The following SYNJ1 variants were observed in gnomAD, a reference collection of about 807,000 sequenced individuals.
SYNJ1 encodes the protein synaptojanin 1.
Under a neutral mutation model 168.2 loss-of-function variants are expected in SYNJ1, and 78 were observed. That is an observed-to-expected ratio of 0.46 (90% CI 0.39 to 0.56). SYNJ1 has a LOEUF of 0.56. SYNJ1 is among the 20% of genes least tolerant of loss of function. SYNJ1 has a pLI of 0.00. For missense variants in SYNJ1, 1,303 were observed against 1,597.6 expected, an observed-to-expected ratio of 0.82 and a Z score of 3.14; for synonymous variants, 539 against 548.6, an observed-to-expected ratio of 0.98 and a Z score of 0.24.
chr21:32,670,138 C>A lies in SYNJ1; in HGVS notation c.1811+150G>T. 8.6e-6 allele frequency: 5 copies of A among 579,424 alleles called. No individual in the cohort carries two copies. The South Asian group carries it at 1.5e-4, about 17-fold the overall frequency. 35.9% of individuals were successfully genotyped at this position (579,424 alleles called of 1,614,324 possible). ...TAAGTGTGCAGAGAGATCCTCAGAC[C>A]CAAAAGTATGAGAAATGCTCTTTTA... On this transcript the variant is annotated intron_variant, in intron 15 of 32. Coordinates refer to ENST00000674351, the MANE Select transcript of SYNJ1 (RefSeq NM_203446.3).
chr21:32,660,043 A>C (rs558077259), intron 18 of SYNJ1, among the ~76,000 whole-genome samples: 1 of 152,314 alleles, frequency 6.6e-6, no homozygotes, highest in East Asian at 1.9e-4. Flanking sequence ...GGAAAAACTT[A>C]TGTTGGCCCC....
chr21:32,679,467 A>G (rs1368762171), intron 11 of SYNJ1, among the ~76,000 whole-genome samples: 1 of 152,170 alleles, frequency 6.6e-6, no homozygotes, highest in Admixed American at 6.5e-5. Context: ...AGATTTGATT[A>G]TAACTTTTAA....
In SYNJ1 at chr21:32,699,896, A is replaced by G. The variant is rs140461566; in HGVS notation, c.421T>C (p.Leu141=). Residue 141 remains leucine, a synonymous_variant, in exon 4 of 33, where the codon TTG becomes CTG. Coordinates refer to ENST00000674351, the MANE Select transcript of SYNJ1 (RefSeq NM_203446.3). ...AWSASGISLD[L]SLNAHRSMQE... is the part of the protein sequence containing the mutation. ...ATGCTACGATGCGCATTAAGACTCA[A>G]ATCTAAACTGATGCCAGATGCAGAC... 518 of 1,614,066 alleles carry G rather than the reference A, an allele frequency of 3.2e-4. No homozygotes were observed. The highest frequency in any genetic ancestry group is 4.2e-4 in the Non-Finnish European group (497 of 1,180,038).
rs1382349474 is a variant in SYNJ1 at position 32,695,072 on chromosome 21, A to C, written c.690T>G (p.Phe230Leu). The change falls in exon 5 of 33, where the codon TTT becomes TTG. Residue 230 changes from phenylalanine to leucine, a missense_variant. Physicochemically the swap from Phe to Leu is conservative, Grantham distance 22. This residue lies in a region of SYNJ1 where 920 missense variants were observed against 1,208.8 expected (regional missense o/e 0.76). Coordinates refer to ENST00000674351, the MANE Select transcript of SYNJ1 (RefSeq NM_203446.3). ...GTNDDGHVAN[F>L]VETEQVVYLD... ...CTATATATACCTGTTCTGTTTCTACAAAATTGGCAACATGACCATCATCAT... is the reference window on the plus strand; with the variant it reads ...CTATATATACCTGTTCTGTTTCTACCAAATTGGCAACATGACCATCATCAT... The C allele has an allele frequency of 1.2e-6, 2 of 1,614,158 alleles. No individual in the cohort carries two copies. Among genetic ancestry groups the C allele is most frequent in the African/African-American group, 2.7e-5 (2 of 75,066 alleles).
rs760867966 is a variant in SYNJ1 at position 32,728,008 on chromosome 21, A to C, written c.-85T>G. 4.6e-6 allele frequency: 7 copies of C among 1,535,860 alleles called. No individual in the cohort carries two copies. In the South Asian group the frequency reaches 8.3e-5, roughly 18 times the overall value. Reference sequence around the variant, plus strand: ...CGCCGCCACAGCCGCCGGGAGCGTCACTTCCGCTCCAGCAGGCCCATCTCT... The same window carrying C: ...CGCCGCCACAGCCGCCGGGAGCGTCCCTTCCGCTCCAGCAGGCCCATCTCT... On this transcript the variant is annotated 5_prime_UTR_variant, in exon 1 of 33. Coordinates refer to ENST00000674351, the MANE Select transcript of SYNJ1 (RefSeq NM_203446.3).
chr21:32,692,724 T>C (rs578131641), intron 6 of SYNJ1, among the ~76,000 whole-genome samples: 101 of 152,270 alleles, frequency 6.6e-4, no homozygotes, highest in African/African-American at 2.4e-3. Context: ...CGCAACCTTA[T>C]TGGATCATCA....
chr21:32,713,715 T>C (rs1222083129), intron 2 of SYNJ1, among the ~76,000 whole-genome samples: 1 of 151,808 alleles, frequency 6.6e-6, no homozygotes. Context: ...TATATCAACA[T>C]GGATGATTTC....
intron 6 of SYNJ1, among the ~76,000 whole-genome samples, chr21:32,692,402 C>T (rs933334160): frequency 1.3e-5 from 2 of 151,950 alleles, no homozygotes; most frequent in Non-Finnish European, 2.9e-5. Context: ...TATGGTGAAA[C>T]CCCATTTCTA....
At chr21:32,673,657 G>C (rs2041289920) in intron 13 of SYNJ1, 126 bp from the exon 14 acceptor site, 2 of 753,056 alleles carry the variant, frequency 2.7e-6, no homozygotes, top group Admixed American at 4.1e-5. Context: ...ACAAGCAAAA[G>C]ATACAGGCAC....
At chr21:32,648,087 T>C (rs1204101053) in intron 23 of SYNJ1, among the ~76,000 whole-genome samples, 1 of 152,168 alleles carries the variant, frequency 6.6e-6, no homozygotes, top group Admixed American at 6.5e-5. Context: ...TATCTGAGGA[T>C]GGAACAAATG....
At chr21:32,690,926 A>C (rs553301874) in intron 6 of SYNJ1, among the ~76,000 whole-genome samples, 1 of 151,610 alleles carries the variant, frequency 6.6e-6, no homozygotes, top group Non-Finnish European at 1.5e-5. Flanking sequence ...AACTTGGGGG[A>C]AAAAAAAAGC....
At chr21:32,663,826 G>A (rs1238719920) in intron 18 of SYNJ1, among the ~76,000 whole-genome samples, 1 of 152,242 alleles carries the variant, frequency 6.6e-6, no homozygotes, top group Non-Finnish European at 1.5e-5. Context: ...GCCCTGGCAA[G>A]AGTCTCAGAT....
At chr21:32,712,211 G>A (rs766098110) in intron 2 of SYNJ1, among the ~76,000 whole-genome samples, 22 of 152,200 alleles carry the variant, frequency 1.4e-4, no homozygotes, top group Non-Finnish European at 2.4e-4. Context: ...CAATTTGCCT[G>A]TGGTTGCATG....
Position 32,653,293 on chromosome 21 carries a change from T to C in SYNJ1, c.2869A>G (p.Lys957Glu). 1 of 1,612,934 alleles carries C rather than the reference T, an allele frequency of 6.2e-7. No homozygotes were observed. Reference sequence around the variant, plus strand: ...ATCAACAAATGCTACCTTACCTCTTTACCATTTAGGCTCAGAACATTCAAG... The same window carrying C: ...ATCAACAAATGCTACCTTACCTCTTCACCATTTAGGCTCAGAACATTCAAG... Reference protein sequence around the residue: ...SALNVLSLNGKELLNRTITIA... With the variant: ...SALNVLSLNGEELLNRTITIA... The change falls in exon 22 of 33, where the codon AAA becomes GAA. Residue 957 changes from lysine (K) to glutamate (E), a missense_variant. Physicochemically the swap from Lys to Glu is moderately conservative, Grantham distance 56. Transcript: ENST00000674351.
intron 2 of SYNJ1, among the ~76,000 whole-genome samples, chr21:32,721,626 TC>T (rs1466897085): frequency 6.6e-6 from 1 of 151,102 alleles, no homozygotes; most frequent in East Asian, 2.0e-4. Flanking sequence ...CTGTAGTGAG[TC>T]AAGATTGCAC....
intron 22 of SYNJ1, among the ~76,000 whole-genome samples, chr21:32,651,010 A>G (rs1007167394): frequency 6.6e-6 from 1 of 152,242 alleles, no homozygotes; most frequent in Non-Finnish European, 1.5e-5. Flanking sequence ...ATAATCTAAG[A>G]CAACCAAGAC....
intron 7 of SYNJ1, among the ~76,000 whole-genome samples, chr21:32,687,440 C>T (rs1191768528): frequency 1.3e-5 from 2 of 152,152 alleles, no homozygotes; most frequent in Admixed American, 6.5e-5. Context: ...TCACCTACTC[C>T]GTTGAGTATT....
chr21:32,662,425 T>C (rs544735784), intron 18 of SYNJ1, among the ~76,000 whole-genome samples: 1 of 152,306 alleles, frequency 6.6e-6, no homozygotes, highest in African/African-American at 2.4e-5. Flanking sequence ...AACGTGTTTA[T>C]ATAATGACAC....
chr21:32,708,473 G>A, intron 2 of SYNJ1, among the ~76,000 whole-genome samples: 1 of 152,304 alleles, frequency 6.6e-6, no homozygotes, highest in South Asian at 2.1e-4. Context: ...GTAAGTTACT[G>A]ATTTCTAACC....
Sources: gnomAD v4.1 joint callset for allele counts (sites outside exome capture counted in the v4.1 genomes callset) on GRCh38, gnomAD v4.1.1 for gene constraint, gnomAD v4.1.1 regional missense constraint, MANE v1.5 for transcripts, NCBI Gene and HGNC (gene_info 2026-07-23, HGNC 2026-07-21) for gene names.